Variants in JDP2 observed in about 807,000 individuals in gnomAD.
The protein encoded by JDP2 is progesterone receptor co-activator.
JDP2 carries 9 observed loss-of-function variants against 17.1 expected under a neutral mutation model. The observed-to-expected ratio is 0.53, with a 90% CI of 0.32 to 0.92. The LOEUF is 0.92. Among genes scored for constraint, JDP2 ranks in the 40% least tolerant of loss-of-function variants. JDP2 has a pLI of 0.04. For missense variants in JDP2, 179 were observed against 220.0 expected (o/e 0.81, Z 1.18); for synonymous variants, 107 against 95.6 (o/e 1.12, Z -0.69).
At chr14:75,456,243 A>G (rs1477447760) in intron 2 of JDP2, among the ~76,000 whole-genome samples, 1 of 152,096 alleles carries the variant, frequency 6.6e-6, no homozygotes, top group Non-Finnish European at 1.5e-5. Context: ...TCTTCTGTTG[A>G]TTGTTCCTCT....
intron 1 of JDP2, among the ~76,000 whole-genome samples, chr14:75,437,326 C>A (rs924104977): frequency 6.6e-6 from 1 of 152,218 alleles, no homozygotes; most frequent in Non-Finnish European, 1.5e-5. Flanking sequence ...TCATCTCCTA[C>A]TCAGGGTGTC....
At chr14:75,447,299 T>C (rs1004394417) in intron 2 of JDP2, among the ~76,000 whole-genome samples, 1 of 152,224 alleles carries the variant, frequency 6.6e-6, no homozygotes, top group African/African-American at 2.4e-5. Context: ...ATGCACTTTA[T>C]AGTTTGCAAA....
chr14:75,432,443 C>T lies in JDP2; in HGVS notation c.-24+4191C>T. 4.7e-6 allele frequency: 5 copies of T among 1,054,024 alleles called. No homozygotes were observed. In the South Asian group the frequency reaches 5.7e-5, roughly 12 times the overall value. The allele number at this position is 1,054,024 out of a possible 1,614,324, so 65.3% of individuals were successfully genotyped here. ...GGGAATCTTCCCAGGCTCTGGCTCC[C>T]AAGGTCCCCCACTTCTCTTGTTGAG... On this transcript the variant is annotated intron_variant, in intron 1 of 3. Transcript: ENST00000651602.
intron 3 of JDP2, among the ~76,000 whole-genome samples, chr14:75,463,854 C>A (rs921571818): frequency 6.6e-6 from 1 of 152,170 alleles, no homozygotes; most frequent in Non-Finnish European, 1.5e-5. Context: ...TGATTAGTAG[C>A]CCCTTCCTTC....
chr14:75,449,830 T>C (rs1426854934), intron 2 of JDP2, among the ~76,000 whole-genome samples: 2 of 152,224 alleles, frequency 1.3e-5, no homozygotes, highest in African/African-American at 4.8e-5. Flanking sequence ...CTGGATTCTT[T>C]CTCACTTTTG....
At chr14:75,446,227 T>C (rs536260797) in intron 2 of JDP2, among the ~76,000 whole-genome samples, 20 of 152,352 alleles carry the variant, frequency 1.3e-4, no homozygotes, top group African/African-American at 4.6e-4. Flanking sequence ...ATGCAGCCAC[T>C]TTGGAAAACA....
upstream of JDP2, chr14:75,427,563 G>T: frequency 6.5e-6 from 1 of 153,090 alleles, no homozygotes; most frequent in Non-Finnish European, 1.5e-5. This position sits in a 1 kb window ranked among gnomAD's most constrained non-coding sequence, Gnocchi z 4.4. Context: ...TGAGGTACAT[G>T]GTTAACACAG....
chr14:75,439,663 A>G (rs1433047429), intron 2 of JDP2, among the ~76,000 whole-genome samples: 3 of 152,250 alleles, frequency 2.0e-5, no homozygotes, highest in African/African-American at 4.8e-5. Flanking sequence ...ACTGTGGATT[A>G]CAAGCTGTGA....
At chr14:75,453,942 G>A (rs1189501688) in intron 2 of JDP2, among the ~76,000 whole-genome samples, 3 of 152,102 alleles carry the variant, frequency 2.0e-5, no homozygotes, top group Non-Finnish European at 2.9e-5. Context: ...CTTTGTCCAT[G>A]TGAGAGTTTC....
At chr14:75,450,654 G>A (rs1034129213) in intron 2 of JDP2, among the ~76,000 whole-genome samples, 28 of 152,202 alleles carry the variant, frequency 1.8e-4, no homozygotes, top group Non-Finnish European at 1.0e-4. Flanking sequence ...CCTGCTGTTG[G>A]GGGCAGCTGA....
intron 1 of JDP2, among the ~76,000 whole-genome samples, chr14:75,435,851 G>A (rs2038970156): frequency 6.6e-6 from 1 of 152,194 alleles, no homozygotes; most frequent in Admixed American, 6.5e-5. Context: ...ACAGTAGGTA[G>A]AGCACAGTTA....
Position 75,469,766 on chromosome 14 carries a change from GGCCAGGGAGAC to G in JDP2, c.*295_*305del. 3.0e-6 allele frequency: 1 copy of G among 335,460 alleles called. No homozygotes were observed. Among genetic ancestry groups the G allele is most frequent in the Non-Finnish European group, 5.5e-6 (1 of 180,842 alleles). The allele number at this position is 335,460 out of a possible 1,614,324, so 20.8% of individuals were successfully genotyped here. On this transcript the variant is annotated 3_prime_UTR_variant, in exon 4 of 4. Coordinates refer to ENST00000651602, the MANE Select transcript of JDP2 (RefSeq NM_001135048.2). ...GAAGGAGGCAGGACAGAGGCACCGA[GGCCAGGGAGAC>G]GCCCAACGAGGCAGCCCTGGGCTCT... is the stretch of plus-strand genomic sequence containing the variant.
intron 2 of JDP2, among the ~76,000 whole-genome samples, chr14:75,449,952 G>A (rs1210817701): frequency 6.6e-6 from 1 of 152,178 alleles, no homozygotes; most frequent in African/African-American, 2.4e-5. Context: ...TTTCTTAGCC[G>A]TGGAAATGGG....
intron 3 of JDP2, among the ~76,000 whole-genome samples, chr14:75,464,801 CCA>C (rs1886502240): frequency 6.6e-6 from 1 of 152,236 alleles, no homozygotes; most frequent in South Asian, 2.1e-4. Flanking sequence ...GGGGTCAGGT[CCA>C]CACCCCACAG....
At chr14:75,469,226 G>T in intron 3 of JDP2, 64 bp from the exon 4 acceptor site, 2 of 1,517,380 alleles carry the variant, frequency 1.3e-6, no homozygotes, top group Middle Eastern at 1.8e-4. Context: ...CTAACCACAG[G>T]CAGAGCCTCT....
chr14:75,465,037 C>T (rs1886512427), intron 3 of JDP2, among the ~76,000 whole-genome samples: 1 of 152,244 alleles, frequency 6.6e-6, no homozygotes, highest in Non-Finnish European at 1.5e-5. Flanking sequence ...GAAAGGCAGT[C>T]CTATCCATTG....
chr14:75,452,965 G>A (rs1885933779), intron 2 of JDP2, among the ~76,000 whole-genome samples: 1 of 152,248 alleles, frequency 6.6e-6, no homozygotes. Flanking sequence ...GAGACAGGAG[G>A]GCAGAGAGTT....
In JDP2 at chr14:75,461,407, T is replaced by C. The variant is rs73301670; in HGVS notation, c.202-19T>C. ...CAAGCCTGCCTCAGTGTCTAATCAG[T>C]GGCTCTGTGCCCTCACAGCTAGATG... On this transcript the variant is annotated intron_variant, in intron 2 of 3. Coordinates refer to ENST00000651602, the MANE Select transcript of JDP2 (RefSeq NM_001135048.2). The C allele has an allele frequency of 7.7e-3, 12,221 of 1,581,284 alleles. 777 individuals carry two copies. The African/African-American group carries it at 0.14, about 19-fold the overall frequency.
intron 2 of JDP2, among the ~76,000 whole-genome samples, chr14:75,456,262 C>T (rs1047757599): frequency 6.6e-6 from 1 of 152,200 alleles, no homozygotes; most frequent in Admixed American, 6.5e-5. Context: ...CTGTCTGTGC[C>T]GTTGGCTTCT....
Sources: allele counts gnomAD v4.1 joint callset (sites outside exome capture counted in the v4.1 genomes callset), GRCh38; gene constraint gnomAD v4.1.1; non-coding constraint Gnocchi (gnomAD v3.1); transcripts MANE v1.5; gene names NCBI Gene and HGNC (gene_info 2026-07-23, HGNC 2026-07-21).